The following CSMD3 variants were observed in gnomAD, a reference collection of about 807,000 sequenced individuals.
CSMD3 encodes the protein CUB and Sushi multiple domains 3.
CSMD3 carries 177 observed loss-of-function variants against 435.2 expected under a neutral mutation model. The ratio of observed to expected loss-of-function variants is 0.41; its 90% CI spans 0.36 to 0.46. The LOEUF (loss-of-function observed/expected upper bound fraction) is 0.46. CSMD3 is among the 20% of genes least tolerant of loss of function. CSMD3 has a pLI of 0.34. For synonymous variants in CSMD3, 1,656 were observed against 1,520.5 expected, an observed-to-expected ratio of 1.09 and a Z score of -2.07; for missense variants, 4,265 against 4,504.6, an observed-to-expected ratio of 0.95 and a Z score of 1.52.
intron 38 of CSMD3, among the ~76,000 whole-genome samples, chr8:112,366,991 T>C (rs1330972565): frequency 6.6e-6 from 1 of 152,158 alleles, no homozygotes; most frequent in African/African-American, 2.4e-5. Context: ...AATTTTTCTA[T>C]AATTCAATTT....
intron 38 of CSMD3, among the ~76,000 whole-genome samples, chr8:112,376,182 T>A (rs1218727826): frequency 2.0e-5 from 3 of 152,304 alleles, no homozygotes; most frequent in South Asian, 2.1e-4. Context: ...TCTATTACTG[T>A]ATTCAAAGCA....
rs74531712 is a variant in CSMD3, at chr8:112,992,306, G to C, written c.1031-16158C>G. On this transcript the variant is annotated intron_variant, in intron 6 of 70. Coordinates refer to ENST00000297405, the MANE Select transcript of CSMD3 (RefSeq NM_198123.2). ...ATATTAAGTGTTGGATGTATTCTAG[G>C]AATTCCTCTGGGTGCCAAAATGATA... Among the ~76,000 whole-genome samples, 49 of 150,758 alleles carry C rather than the reference G, an allele frequency of 3.3e-4. No homozygotes were observed. In the East Asian group the frequency reaches 9.6e-3, roughly 30 times the overall value.
intron 3 of CSMD3, among the ~76,000 whole-genome samples, chr8:113,179,215 A>C (rs10109829): frequency 6.7e-6 from 1 of 149,270 alleles, no homozygotes; most frequent in East Asian, 2.0e-4. Context: ...TACATAAAAC[A>C]GTATATGTTA....
At chr8:112,323,389 G>A (rs542676463) in intron 45 of CSMD3, among the ~76,000 whole-genome samples, 2 of 152,028 alleles carry the variant, frequency 1.3e-5, no homozygotes, top group African/African-American at 4.8e-5. Context: ...GTACTGGGTT[G>A]AATAGTTTCA....
At position 112,952,558 on chromosome 8, in the gene CSMD3, C is replaced by A. The variant is rs73347929; in HGVS notation, c.1420+2126G>T. Among the ~76,000 whole-genome samples the A allele has an allele frequency of 3.8e-3, 576 of 151,274 alleles. 4 individuals are homozygous for A. Among genetic ancestry groups the A allele is most frequent in the African/African-American group, 0.013 (537 of 41,378 alleles). ...AACAATATAACTCTACTGCAAACAA[C>A]CATGAAAGAATATGTTTTTGAAATG... On this transcript the variant is annotated intron_variant, in intron 8 of 70. Coordinates refer to ENST00000297405, the MANE Select transcript of CSMD3 (RefSeq NM_198123.2).
At position 112,276,562 on chromosome 8, in the gene CSMD3, G is replaced by A. The variant is rs151158636; in HGVS notation, c.9508+4612C>T. Among the ~76,000 whole-genome samples the A allele has an allele frequency of 2.5e-4, 38 of 152,020 alleles. 1 individual carries two copies. The East Asian group carries it at 7.5e-3, about 30-fold the overall frequency. ...GCCTGGAAGTCTAGGAGGAAAAAAC[G>A]GTTTCATGGGTCAGACCCAGGGCCT... On this transcript the variant is annotated intron_variant, in intron 59 of 70. Transcript: ENST00000297405.
rs73701399 is a variant in CSMD3 at position 113,419,517 on chromosome 8, C to T, written c.178+17160G>A. On this transcript the variant is annotated intron_variant, in intron 1 of 70. Coordinates refer to ENST00000297405, the MANE Select transcript of CSMD3 (RefSeq NM_198123.2). Reference sequence around the variant, plus strand: ...GGACTAGTCTGCATAAAAAGCTCTGCTTGGTGTTGGGGGCAGATTTAGAAA... The same window carrying T: ...GGACTAGTCTGCATAAAAAGCTCTGTTTGGTGTTGGGGGCAGATTTAGAAA... Among the ~76,000 whole-genome samples the T allele has an allele frequency of 6.8e-3, 1,030 of 152,134 alleles. 18 individuals carry two copies. The highest frequency in any genetic ancestry group is 0.024 in the African/African-American group (977 of 41,506).
At chr8:112,521,704 A>C (rs994666448) in intron 27 of CSMD3, among the ~76,000 whole-genome samples, 1 of 151,796 alleles carries the variant, frequency 6.6e-6, no homozygotes, top group African/African-American at 2.4e-5. Context: ...TGAGCTCTTA[A>C]CCATTCTCTT....
intron 66 of CSMD3, 152 bp from the exon 67 acceptor site, chr8:112,237,500 G>A (rs1274329347): frequency 1.5e-6 from 1 of 667,226 alleles, no homozygotes; most frequent in Non-Finnish European, 2.6e-6. Context: ...ATATAAAAAT[G>A]TTTCCATTTT....
intron 12 of CSMD3, among the ~76,000 whole-genome samples, chr8:112,804,665 AT>A (rs1352937283): frequency 1.9e-4 from 28 of 149,230 alleles, no homozygotes; most frequent in African/African-American, 5.2e-4. Flanking sequence ...ATTTTATTTT[AT>A]TTTATTTTAT....
chr8:112,678,697 C>T lies in CSMD3; in HGVS notation c.2677+3745G>A, dbSNP rs1267421840. Among the ~76,000 whole-genome samples the T allele has an allele frequency of 2.9e-5, 4 of 136,832 alleles. No individual in the cohort carries two copies. In the East Asian group the frequency reaches 6.5e-4, roughly 22 times the overall value. 89.8% of individuals were successfully genotyped at this position (136,832 alleles called of 152,430 possible). A position where few individuals can be genotyped will look rare whatever the true frequency, so the allele number is the denominator to read the frequency against. ...AATGTTCTACCTTCTAATTTTAATA[C>T]ACAACAATCCATATATATATATAAC... On this transcript the variant is annotated intron_variant, in intron 16 of 70. Transcript: ENST00000297405.
At chr8:113,272,237 A>G (rs1026184840) in intron 3 of CSMD3, among the ~76,000 whole-genome samples, 6 of 152,068 alleles carry the variant, frequency 3.9e-5, no homozygotes, top group Non-Finnish European at 7.4e-5. Flanking sequence ...GGAAGGCAGG[A>G]TTGATTTTGA....
intron 1 of CSMD3, among the ~76,000 whole-genome samples, chr8:113,391,245 G>A (rs956578649): frequency 6.6e-6 from 1 of 151,942 alleles, no homozygotes; most frequent in African/African-American, 2.4e-5. Flanking sequence ...CTAGATGGAG[G>A]AACTAAGAAT....
chr8:112,424,688 CTTATTTAT>C (rs541319735), intron 32 of CSMD3, among the ~76,000 whole-genome samples: 3 of 151,652 alleles, frequency 2.0e-5, no homozygotes, highest in Admixed American at 6.6e-5. Context: ...ATTTTACTTA[CTTATTTAT>C]TTATTTATTT....
intron 66 of CSMD3, among the ~76,000 whole-genome samples, chr8:112,238,358 T>G (rs936708048): frequency 6.6e-6 from 1 of 152,102 alleles, no homozygotes; most frequent in African/African-American, 2.4e-5. Context: ...TCACAGGGAT[T>G]GCCATGACAA....
intron 2 of CSMD3, among the ~76,000 whole-genome samples, chr8:113,292,194 T>G (rs1042445604): frequency 2.0e-5 from 3 of 151,734 alleles, no homozygotes; most frequent in Admixed American, 6.6e-5. Flanking sequence ...ATGATAGAAA[T>G]AGTTTATTCT....
At chr8:112,668,776 G>A (rs1285520567) in intron 16 of CSMD3, among the ~76,000 whole-genome samples, 1 of 151,704 alleles carries the variant, frequency 6.6e-6, no homozygotes, top group African/African-American at 2.4e-5. Context: ...AGAGGGGAGA[G>A]ACATGCTTAT....
At chr8:112,473,416 C>T (rs10505174) in intron 31 of CSMD3, among the ~76,000 whole-genome samples, 38,778 of 151,812 alleles carry the variant, frequency 0.26, 5,095 homozygotes, top group East Asian at 0.39. Context: ...CGAAAGCATA[C>T]GGATGGTAAC....
At chr8:112,901,546 CTG>C (rs1194644347) in intron 10 of CSMD3, among the ~76,000 whole-genome samples, 2 of 151,326 alleles carry the variant, frequency 1.3e-5, no homozygotes, top group East Asian at 3.9e-4. Flanking sequence ...CTGCTCAAAA[CTG>C]AAAGTAAATA....
Sources: allele counts gnomAD v4.1 joint callset (sites outside exome capture counted in the v4.1 genomes callset), GRCh38; gene constraint gnomAD v4.1.1; transcripts MANE v1.5; gene names NCBI Gene and HGNC (gene_info 2026-07-23, HGNC 2026-07-21).